The following RABGAP1L variants were observed in gnomAD, a reference collection of about 807,000 sequenced individuals.
The protein encoded by RABGAP1L is RAB GTPase activating protein 1 like.
In RABGAP1L, 63 loss-of-function variants were observed where a neutral mutation model predicts 137.7. The ratio of observed to expected loss-of-function variants is 0.46; its 90% CI spans 0.37 to 0.56. The LOEUF is 0.56. RABGAP1L is among the 20% of genes least tolerant of loss of function. RABGAP1L has a pLI of 0.00. For missense variants in RABGAP1L, 1,095 were observed against 1,244.0 expected (o/e 0.88, Z 1.80); for synonymous variants, 431 against 433.7 (o/e 0.99, Z 0.08).
At chr1:174,324,970 A>C (rs988170073) in intron 11 of RABGAP1L, among the ~76,000 whole-genome samples, 19 of 152,232 alleles carry the variant, frequency 1.2e-4, no homozygotes, top group Non-Finnish European at 2.5e-4. Flanking sequence ...ATAAGGAAGG[A>C]GAGAACAGTG....
chr1:174,177,831 T>C (rs1030760423), intron 1 of RABGAP1L, among the ~76,000 whole-genome samples: 1 of 152,198 alleles, frequency 6.6e-6, no homozygotes, highest in African/African-American at 2.4e-5. Flanking sequence ...TTCTGTTCCA[T>C]TGGTCTGTAT....
At chr1:174,383,143 C>A (rs1312847815) in intron 12 of RABGAP1L, among the ~76,000 whole-genome samples, 1 of 149,762 alleles carries the variant, frequency 6.7e-6, no homozygotes, top group East Asian at 2.0e-4. Context: ...GGCAGTCTGC[C>A]CGTTCTCAGA....
At chr1:174,489,474 A>G (rs572453591) in intron 13 of RABGAP1L, among the ~76,000 whole-genome samples, 10 of 152,202 alleles carry the variant, frequency 6.6e-5, no homozygotes, top group South Asian at 6.3e-4. Context: ...CAAAACCACA[A>G]TGAGATACCA....
At chr1:174,495,467 C>A (rs903295578) in intron 13 of RABGAP1L, among the ~76,000 whole-genome samples, 7 of 152,138 alleles carry the variant, frequency 4.6e-5, no homozygotes, top group Non-Finnish European at 8.8e-5. Flanking sequence ...CTGAGACTTA[C>A]ATTTTATAAA....
intron 19 of RABGAP1L, among the ~76,000 whole-genome samples, chr1:174,896,047 C>A (rs1380131870): frequency 6.6e-6 from 1 of 152,166 alleles, no homozygotes; most frequent in Non-Finnish European, 1.5e-5. Context: ...GAACTAGTTT[C>A]CAGTCCCACC....
chr1:174,217,870 A>G (rs1047761103), intron 1 of RABGAP1L, among the ~76,000 whole-genome samples: 5 of 152,148 alleles, frequency 3.3e-5, no homozygotes, highest in African/African-American at 1.2e-4. Context: ...CATTCTTTTT[A>G]TTGCCAAGAG....
chr1:174,220,492 A>G (rs2148467792), intron 2 of RABGAP1L, among the ~76,000 whole-genome samples: 1 of 152,202 alleles, frequency 6.6e-6, no homozygotes, highest in Admixed American at 6.5e-5. Context: ...ATGTGGGGAA[A>G]TCCCGTCTCT....
At chr1:174,252,948 A>G (rs552913380) in intron 7 of RABGAP1L, among the ~76,000 whole-genome samples, 140 of 152,314 alleles carry the variant, frequency 9.2e-4, no homozygotes, top group Non-Finnish European at 1.6e-3. Flanking sequence ...TAAAAGATAG[A>G]TACATATTTT....
At chr1:174,863,246 AAAG>A (rs1558162459) in intron 19 of RABGAP1L, among the ~76,000 whole-genome samples, 1 of 151,276 alleles carries the variant, frequency 6.6e-6, no homozygotes, top group Non-Finnish European at 1.5e-5. Flanking sequence ...AAAAAAAAAA[AAAG>A]AAAAACAGTA....
intron 19 of RABGAP1L, among the ~76,000 whole-genome samples, chr1:174,919,444 A>AT (rs1661452907): frequency 6.6e-6 from 1 of 152,268 alleles, no homozygotes; most frequent in South Asian, 2.1e-4. Context: ...TCTTCACAGC[A>AT]TAGTGCCCTG....
At chr1:174,702,002 T>TAG (rs1214688915) in intron 16 of RABGAP1L, 111 bp from the exon 17 acceptor site, 31 of 944,144 alleles carry the variant, frequency 3.3e-5, no homozygotes, top group Non-Finnish European at 4.3e-5. Flanking sequence ...AATACTAGAA[T>TAG]AGAGTTACAG....
intron 13 of RABGAP1L, among the ~76,000 whole-genome samples, chr1:174,441,932 C>CT (rs1248129372): frequency 6.6e-6 from 1 of 151,502 alleles, no homozygotes; most frequent in Non-Finnish European, 1.5e-5. Context: ...TTTCATCTCC[C>CT]TTTAGAAGCA....
chr1:174,517,778 A>G (rs972290723), intron 13 of RABGAP1L, among the ~76,000 whole-genome samples: 1 of 152,092 alleles, frequency 6.6e-6, no homozygotes, highest in Non-Finnish European at 1.5e-5. Flanking sequence ...CCTTCTTATT[A>G]TTTTATACCT....
chr1:174,909,623 A>G (rs894519297), intron 19 of RABGAP1L, among the ~76,000 whole-genome samples: 1 of 152,274 alleles, frequency 6.6e-6, no homozygotes, highest in African/African-American at 2.4e-5. Context: ...TTTTATGGAA[A>G]GTTAAAATCG....
chr1:174,922,738 G>A (rs10912851), intron 19 of RABGAP1L, among the ~76,000 whole-genome samples: 7,043 of 152,224 alleles, frequency 0.046, 548 homozygotes, highest in African/African-American at 0.16. Flanking sequence ...ATTTTCTGGT[G>A]AAGAAATTCA....
Position 174,846,685 on chromosome 1 carries a change from GA to G in RABGAP1L, c.2340+34732del, listed in dbSNP as rs1282876574. Among the ~76,000 whole-genome samples, 3 of 77,222 alleles carry G rather than the reference GA, an allele frequency of 3.9e-5. No homozygotes were observed. The East Asian group carries it at 2.3e-3, about 59-fold the overall frequency. 50.7% of individuals were successfully genotyped at this position (77,222 alleles called of 152,430 possible). A position where few individuals can be genotyped will look rare whatever the true frequency, so the allele number is the denominator to read the frequency against. On this transcript the variant is annotated intron_variant, in intron 19 of 25. Coordinates refer to ENST00000681986, the MANE Select transcript of RABGAP1L (RefSeq NM_001366446.1). ...TTTGGAATAGGTGTGGTGTGGTGCT[GA>G]AAAAAATGTATATTCTGTTGATTTG...
chr1:174,309,121 C>T (rs1678575886), intron 11 of RABGAP1L, among the ~76,000 whole-genome samples: 1 of 151,840 alleles, frequency 6.6e-6, no homozygotes, highest in African/African-American at 2.4e-5. Flanking sequence ...AAGTATTTAT[C>T]TTTTGTAGCT....
intron 13 of RABGAP1L, among the ~76,000 whole-genome samples, chr1:174,555,438 C>G (rs927771907): frequency 2.0e-5 from 3 of 152,076 alleles, no homozygotes; most frequent in African/African-American, 7.2e-5. Flanking sequence ...TATTGATCAC[C>G]TGGTCTAATT....
intron 17 of RABGAP1L, 73 bp from the exon 18 acceptor site, chr1:174,752,239 TG>T: frequency 9.6e-7 from 1 of 1,038,532 alleles, no homozygotes; most frequent in Non-Finnish European, 1.4e-6. Flanking sequence ...TAAATATATG[TG>T]GAAGTCTTGG....
Sources: allele counts gnomAD v4.1 joint callset (sites outside exome capture counted in the v4.1 genomes callset), GRCh38; gene constraint gnomAD v4.1.1; transcripts MANE v1.5; gene names NCBI Gene and HGNC (gene_info 2026-07-23, HGNC 2026-07-21).